KLF17: variants seen among roughly 807,000 people sequenced by gnomAD.
The protein encoded by KLF17 is Krueppel-like factor 17.
A neutral mutation model predicts 34.2 loss-of-function variants in KLF17; 31 were observed. The observed-to-expected ratio is 0.91, with a 90% CI of 0.68 to 1.22. The LOEUF is 1.22. KLF17 is among the 50% of genes most tolerant of loss of function. The probability of loss-of-function intolerance (pLI) is 0.00; values close to 1 mark genes in which losing one functional copy is unlikely to be tolerated. For missense variants in KLF17, 478 were observed against 505.2 expected, an observed-to-expected ratio of 0.95 and a Z score of 0.52; for synonymous variants, 179 against 186.7, an observed-to-expected ratio of 0.96 and a Z score of 0.34.
the KLF17 span, among the ~76,000 whole-genome samples, chr1:44,065,612 G>A: frequency 6.6e-6 from 1 of 151,898 alleles, no homozygotes; most frequent in African/African-American, 2.4e-5. Flanking sequence ...GTTTCACCAT[G>A]TTGCCCAGGC....
In KLF17 at chr1:44,129,607, T is replaced by G. The variant is rs2088077884; in HGVS notation, c.336T>G (p.Ile112Met). 4 of 1,614,148 alleles carry G rather than the reference T, an allele frequency of 2.5e-6. No homozygotes were observed. Among genetic ancestry groups the G allele is most frequent in the Non-Finnish European group, 3.4e-6 (4 of 1,180,018 alleles). Residue 112 changes from isoleucine to methionine, a missense_variant, in exon 2 of 4, where the codon ATT (isoleucine) becomes ATG (methionine). Physicochemically the swap from Ile to Met is conservative, Grantham distance 10 (BLOSUM62 1). Transcript: ENST00000372299. The part of the protein sequence containing the change: ...PQATLTPSRM[I>M]YCQRMSPPQQ... ...CGACTCTCACTCCTTCCCGGATGAT[T>G]TACTGTCAGAGAATGTCTCCCCCTC...
At chr1:44,093,416 C>T in the KLF17 span, among the ~76,000 whole-genome samples, 3 of 152,024 alleles carry the variant, frequency 2.0e-5, no homozygotes, top group South Asian at 2.1e-4. Context: ...TTTTTTGAGA[C>T]GGAGTTTCAC....
the KLF17 span, among the ~76,000 whole-genome samples, chr1:44,058,707 C>T: frequency 5.0e-5 from 5 of 99,206 alleles, no homozygotes; most frequent in African/African-American, 7.9e-5. Context: ...TTTTTTTTCC[C>T]GAGACGGAGT....
chr1:44,127,671 T>A (rs552190284), intron 1 of KLF17, among the ~76,000 whole-genome samples: 3 of 49,120 alleles, frequency 6.1e-5, no homozygotes, highest in Middle Eastern at 8.9e-3. Flanking sequence ...TCTTTCTTTC[T>A]TTCTTTCTTT....
chr1:44,096,296 TA>T, the KLF17 span, among the ~76,000 whole-genome samples: 1 of 152,204 alleles, frequency 6.6e-6, no homozygotes. Context: ...TAAACAAGGA[TA>T]ATTTTACTTC....
chr1:44,117,456 TTTTATTTTA>T (rs1434107936), upstream of KLF17: 7 of 136,760 alleles, frequency 5.1e-5, no homozygotes, highest in Non-Finnish European at 1.1e-4. Flanking sequence ...TTTTATTTTA[TTTTATTTTA>T]TTTATTTTAT....
chr1:44,073,209 C>CTT, the KLF17 span, among the ~76,000 whole-genome samples: 475 of 137,762 alleles, frequency 3.4e-3, 15 homozygotes, highest in East Asian at 0.053. Context: ...TCTTCTTCTT[C>CTT]TTTTTTTTTT....
chr1:44,125,631 C>A (rs1291234419), intron 1 of KLF17, among the ~76,000 whole-genome samples: 1 of 152,090 alleles, frequency 6.6e-6, no homozygotes, highest in Non-Finnish European at 1.5e-5. Context: ...CCACACCTGG[C>A]TAATTTTTGT....
At chr1:44,109,491 G>C in the KLF17 span, among the ~76,000 whole-genome samples, 1 of 152,122 alleles carries the variant, frequency 6.6e-6, no homozygotes, top group African/African-American at 2.4e-5. Context: ...TGATGATTTT[G>C]CCCTAAAAAG....
In KLF17 at chr1:44,130,009, A is replaced by G. The variant is rs1170860425; in HGVS notation, c.738A>G (p.Gln246=). Residue 246 remains glutamine (Q), a synonymous_variant, in exon 2 of 4, where the codon CAA becomes CAG. Transcript: ENST00000372299. ...QDSLVSQPDS[Q]EGPFLPEQPG... ...CTCTTGTCAGTCAGCCAGACTCTCA[A>G]GAAGGCCCATTTCTACCAGAGCAGC... is the stretch of plus-strand genomic sequence containing the variant. 1.2e-5 allele frequency: 19 copies of G among 1,614,082 alleles called. No individual in the cohort carries two copies. In the Admixed American group the frequency reaches 3.2e-4, roughly 27 times the overall value.
At chr1:44,125,550 C>T in intron 1 of KLF17, among the ~76,000 whole-genome samples, 1 of 152,290 alleles carries the variant, frequency 6.6e-6, no homozygotes, top group Admixed American at 6.5e-5. Context: ...TCACTGCAAA[C>T]TCTGTCTCCT....
the KLF17 span, among the ~76,000 whole-genome samples, chr1:44,102,408 C>T: frequency 6.6e-6 from 1 of 151,856 alleles, no homozygotes; most frequent in Non-Finnish European, 1.5e-5. Flanking sequence ...CAAAAATTAA[C>T]CAGGTGTGGT....
the KLF17 span, among the ~76,000 whole-genome samples, chr1:44,095,042 A>G: frequency 6.6e-6 from 1 of 151,268 alleles, no homozygotes; most frequent in Non-Finnish European, 1.5e-5. Flanking sequence ...CTGGGACTAC[A>G]GGTGCCTGCT....
the KLF17 span, among the ~76,000 whole-genome samples, chr1:44,066,389 C>CTTTTATT: frequency 7.8e-6 from 1 of 128,086 alleles, no homozygotes; most frequent in South Asian, 2.6e-4. Flanking sequence ...TAATACTTTC[C>CTTTTATT]TTTTTTTTTT....
At chr1:44,084,377 G>A in the KLF17 span, among the ~76,000 whole-genome samples, 17 of 152,020 alleles carry the variant, frequency 1.1e-4, no homozygotes, top group Non-Finnish European at 1.9e-4. Context: ...TCCTGGAAGC[G>A]AAGCTCTTAA....
chr1:44,046,131 TAA>T, the KLF17 span: 1 of 78,302 alleles, frequency 1.3e-5, no homozygotes, highest in African/African-American at 4.2e-5. Context: ...TGGTAAAGGA[TAA>T]TAATAATAAT....
the KLF17 span, among the ~76,000 whole-genome samples, chr1:44,074,681 G>A: frequency 3.3e-5 from 5 of 152,176 alleles, no homozygotes; most frequent in South Asian, 4.1e-4. Context: ...CATAATAAAT[G>A]ACTTTCTGAA....
chr1:44,053,119 T>C, the KLF17 span, among the ~76,000 whole-genome samples: 5 of 152,178 alleles, frequency 3.3e-5, no homozygotes, highest in Non-Finnish European at 5.9e-5. Context: ...CAGGCTGGTC[T>C]CGAACTCCTA....
At chr1:44,046,528 TACACACACACTCAC>T in the KLF17 span, among the ~76,000 whole-genome samples, 973 of 85,102 alleles carry the variant, frequency 0.011, 12 homozygotes, top group African/African-American at 0.041. Context: ...ACCTAAGCAC[TACACACACACTCAC>T]ACACACACAC....
Sources: gnomAD v4.1 joint callset for allele counts (sites outside exome capture counted in the v4.1 genomes callset) on GRCh38, gnomAD v4.1.1 for gene constraint, MANE v1.5 for transcripts, NCBI Gene and HGNC (gene_info 2026-07-23, HGNC 2026-07-21) for gene names.